Variants in ATXN1 observed in about 807,000 individuals in gnomAD.
ATXN1 encodes ataxin-1.
ATXN1 carries 8 observed loss-of-function variants against 56.4 expected under a neutral mutation model. That is an observed-to-expected ratio of 0.14 (90% CI 0.08 to 0.26). ATXN1 has a LOEUF of 0.26. Ranked by LOEUF, ATXN1 falls within the 10% of genes least tolerant of loss-of-function variation. The pLI is 1.00. For missense variants in ATXN1, 987 were observed against 1,106.5 expected (o/e 0.89, Z 1.53); for synonymous variants, 514 against 494.6 (o/e 1.04, Z -0.52).
chr6:16,417,438 C>CTTTTTTTTTTTT (rs1758933616), intron 6 of ATXN1, among the ~76,000 whole-genome samples: 1 of 138,616 alleles, frequency 7.2e-6, no homozygotes, highest in South Asian at 2.7e-4. Flanking sequence ...TTACAAGTTT[C>CTTTTTTTTTTTT]TTATTTTTTT....
At chr6:16,757,666 T>A (rs962512831) in intron 1 of ATXN1, among the ~76,000 whole-genome samples, 1 of 152,178 alleles carries the variant, frequency 6.6e-6, no homozygotes, top group African/African-American at 2.4e-5. Flanking sequence ...TTGTTGGCCA[T>A]AAAATTGTAA....
Position 16,479,173 on chromosome 6 carries a change from C to T in ATXN1, c.-161+6799G>A, listed in dbSNP as rs746359201. On this transcript the variant is annotated intron_variant, in intron 6 of 7. Transcript: ENST00000436367. The stretch of plus-strand genomic sequence containing the variant: ...TATGTTTCCATTTAAGGAGACTCTC[C>T]TTAAGCAAGTTGTTTCAGGAATATA... 1.5e-4 allele frequency among the ~76,000 whole-genome samples: 23 copies of T among 152,080 alleles called. 1 individual carries two copies. The highest frequency in any genetic ancestry group is 1.5e-5 in the Non-Finnish European group (1 of 68,008).
At chr6:16,411,465 G>T (rs1758799004) in intron 6 of ATXN1, among the ~76,000 whole-genome samples, 3 of 152,022 alleles carry the variant, frequency 2.0e-5, no homozygotes, top group African/African-American at 7.2e-5. Flanking sequence ...GGTTGTTGGT[G>T]CCAACTGGAA....
chr6:16,351,408 T>TG (rs1000013863), intron 6 of ATXN1, among the ~76,000 whole-genome samples: 1 of 151,078 alleles, frequency 6.6e-6, no homozygotes, highest in African/African-American at 2.4e-5. Flanking sequence ...TTTCAGGGTT[T>TG]TTTTTTTTTT....
At chr6:16,632,780 G>A (rs1242677312) in intron 3 of ATXN1, among the ~76,000 whole-genome samples, 1 of 152,124 alleles carries the variant, frequency 6.6e-6, no homozygotes, top group Non-Finnish European at 1.5e-5. Flanking sequence ...CACTTTAGGA[G>A]GCAGAGGTGA....
intron 6 of ATXN1, among the ~76,000 whole-genome samples, chr6:16,435,530 TAGAC>T (rs1759371552): frequency 6.6e-6 from 1 of 151,900 alleles, no homozygotes; most frequent in Non-Finnish European, 1.5e-5. Flanking sequence ...GGAAGGTATT[TAGAC>T]AGGAGGGGGA....
intron 6 of ATXN1, among the ~76,000 whole-genome samples, chr6:16,360,004 A>G (rs921267157): frequency 6.6e-6 from 1 of 152,182 alleles, no homozygotes; most frequent in Admixed American, 6.5e-5. Flanking sequence ...AAAATCTCAG[A>G]AATCACCACC....
chr6:16,604,727 A>G (rs1762972289), intron 3 of ATXN1, among the ~76,000 whole-genome samples: 2 of 151,248 alleles, frequency 1.3e-5, no homozygotes, highest in African/African-American at 4.9e-5. Context: ...CCGGGACCAC[A>G]GGCACACATC....
chr6:16,568,328 A>G (rs2113747263), intron 4 of ATXN1, among the ~76,000 whole-genome samples: 1 of 152,366 alleles, frequency 6.6e-6, no homozygotes, highest in South Asian at 2.1e-4. Context: ...GGCAGAGAGA[A>G]GTACACATAA....
intron 6 of ATXN1, among the ~76,000 whole-genome samples, chr6:16,389,859 G>A (rs916486713): frequency 1.3e-5 from 2 of 152,072 alleles, no homozygotes; most frequent in African/African-American, 4.8e-5. Context: ...AACAGCAGGT[G>A]TCATGTGCAA....
intron 2 of ATXN1, among the ~76,000 whole-genome samples, chr6:16,694,394 C>T (rs934826920): frequency 7.9e-5 from 12 of 151,990 alleles, no homozygotes; most frequent in African/African-American, 2.7e-4. Context: ...GCTGGGATTA[C>T]AGGTGTGTGC....
intron 6 of ATXN1, among the ~76,000 whole-genome samples, chr6:16,453,910 T>A (rs1241665486): frequency 1.3e-5 from 2 of 151,736 alleles, no homozygotes; most frequent in Admixed American, 6.6e-5. Context: ...GGAGGCTGAG[T>A]CAGGCGGATC....
chr6:16,324,500 C>CT (rs201756058), intron 7 of ATXN1, among the ~76,000 whole-genome samples: 1 of 151,780 alleles, frequency 6.6e-6, no homozygotes, highest in Non-Finnish European at 1.5e-5. Context: ...ATTAGTTTAT[C>CT]TTTTTTTTCT....
At chr6:16,392,629 G>A (rs1174424254) in intron 6 of ATXN1, among the ~76,000 whole-genome samples, 1 of 151,936 alleles carries the variant, frequency 6.6e-6, no homozygotes, top group Non-Finnish European at 1.5e-5. Flanking sequence ...CTGAGTAGCT[G>A]GGATTACAGG....
chr6:16,487,262 T>G (rs900063666), intron 5 of ATXN1, among the ~76,000 whole-genome samples: 1 of 129,158 alleles, frequency 7.7e-6, no homozygotes, highest in Non-Finnish European at 1.6e-5. Flanking sequence ...TCCTTTCAAA[T>G]CATGAGCATG....
intron 7 of ATXN1, among the ~76,000 whole-genome samples, chr6:16,324,738 G>A (rs181793057): frequency 1.1e-3 from 168 of 152,296 alleles, no homozygotes; most frequent in African/African-American, 4.0e-3. Flanking sequence ...GCATGTAATC[G>A]ATCTAAGAAC....
chr6:16,673,450 C>T (rs910407033), intron 2 of ATXN1, among the ~76,000 whole-genome samples: 1 of 152,166 alleles, frequency 6.6e-6, no homozygotes, highest in Non-Finnish European at 1.5e-5. Context: ...TTCCCACTCA[C>T]GCCTGCAGCT....
chr6:16,678,619 T>C (rs528805066), intron 2 of ATXN1, among the ~76,000 whole-genome samples: 1 of 152,298 alleles, frequency 6.6e-6, no homozygotes, highest in East Asian at 1.9e-4. Context: ...TCCTAAGAGA[T>C]TGGAATATTC....
In ATXN1 at chr6:16,306,585, T is replaced by A. The variant is rs1290075855; in HGVS notation, c.2192A>T (p.Asn731Ile). 1 of 1,614,176 alleles carries A rather than the reference T, an allele frequency of 6.2e-7. No individual in the cohort carries two copies. Among genetic ancestry groups the A allele is most frequent in the East Asian group, 2.2e-5 (1 of 44,884 alleles). ...AGAGAGCATCTGGGCACTCCCCTGG[T>A]TGATTCCGTTTTCCTGCTCGGCATA... ...HRYAEQENGI[N>I]QGSAQMLSEN... Residue 731 changes from asparagine to isoleucine, a missense_variant, in exon 8 of 8, where the codon AAC (asparagine) becomes ATC (isoleucine). Coordinates refer to ENST00000436367, the MANE Select transcript of ATXN1 (RefSeq NM_001128164.2). The surrounding 1 kb of genome is among the most constrained non-coding windows in gnomAD (Gnocchi z 5.2).
Sources: allele counts gnomAD v4.1 joint callset (sites outside exome capture counted in the v4.1 genomes callset), GRCh38; gene constraint gnomAD v4.1.1; non-coding constraint Gnocchi (gnomAD v3.1); transcripts MANE v1.5; gene names NCBI Gene and HGNC (gene_info 2026-07-23, HGNC 2026-07-21).